ANK2: variants seen among roughly 807,000 people sequenced by gnomAD.
ANK2 encodes ankyrin 2.
In ANK2, 83 loss-of-function variants were observed where a neutral mutation model predicts 360.5. The ratio of observed to expected loss-of-function variants is 0.23; its 90% CI spans 0.19 to 0.28. ANK2 has a LOEUF of 0.28. Among genes scored for constraint, ANK2 ranks in the 10% least tolerant of loss-of-function variants. ANK2 has a pLI of 1.00. For synonymous variants in ANK2, 1,740 were observed against 1,759.5 expected (o/e 0.99, Z 0.28); for missense variants, 4,201 against 4,795.7 (o/e 0.88, Z 3.66).
intron 1 of ANK2, among the ~76,000 whole-genome samples, chr4:113,079,248 G>A (rs1005162110): frequency 3.9e-5 from 6 of 152,114 alleles, no homozygotes; most frequent in Non-Finnish European, 8.8e-5. Flanking sequence ...TGTTAGCCTC[G>A]ATTGTTTCCC....
chr4:113,158,483 C>G (rs572859734), intron 1 of ANK2, among the ~76,000 whole-genome samples: 3 of 151,972 alleles, frequency 2.0e-5, no homozygotes, highest in African/African-American at 7.2e-5. Flanking sequence ...ACTAATATAT[C>G]CTATGATTAT....
At chr4:112,805,941 G>T in the ANK2 span, among the ~76,000 whole-genome samples, 1 of 152,004 alleles carries the variant, frequency 6.6e-6, no homozygotes, top group Admixed American at 6.6e-5. Context: ...TACAAAATAG[G>T]TGTATATATT....
Position 112,864,585 on chromosome 4 carries a change from C to T in ANK2, c.-39-39870C>T, listed in dbSNP as rs527838969. Among the ~76,000 whole-genome samples the T allele has an allele frequency of 1.8e-3, 269 of 152,026 alleles. 1 individual carries two copies. Among genetic ancestry groups the T allele is most frequent in the South Asian group, 7.9e-3 (38 of 4,802 alleles). ...CCGGCCTCCCAAAGTGCTGGGATTA[C>T]AGGCGTCAGCCCCGGCGCCCGGCCG... is the stretch of plus-strand genomic sequence containing the variant. On this transcript the variant is annotated intron_variant, in intron 1 of 30. Coordinates refer to the ANK2 transcript ENST00000503271.
At chr4:112,831,689 G>C (rs2059763006) in intron 1 of ANK2, among the ~76,000 whole-genome samples, 1 of 152,168 alleles carries the variant, frequency 6.6e-6, no homozygotes, top group Non-Finnish European at 1.5e-5. Flanking sequence ...TGCTGTGGAA[G>C]CTTTGTTTTT....
rs1451441486 is a variant in ANK2 at position 113,382,837 on chromosome 4, G to C, written c.*1366G>C. ...AGATTGAGAAATCCTTGAAAATTTG[G>C]TTTTGGTTAAAATTTTTGGTTTATT... On this transcript the variant is annotated 3_prime_UTR_variant, in exon 46 of 46. Coordinates refer to ENST00000357077, the MANE Select transcript of ANK2 (RefSeq NM_001148.6). The C allele has an allele frequency of 6.6e-6, 1 of 151,986 alleles. No homozygotes were observed. The highest frequency in any genetic ancestry group is 1.5e-5 in the Non-Finnish European group (1 of 67,976). The allele number at this position is 151,986 out of a possible 1,614,324, so 9.4% of individuals were successfully genotyped here. A position where few individuals can be genotyped will look rare whatever the true frequency, so the allele number is the denominator to read the frequency against.
chr4:112,998,247 CA>C lies in ANK2; in HGVS notation c.21+93735del, dbSNP rs143566971. On this transcript the variant is annotated intron_variant, in intron 2 of 30. Coordinates refer to the ANK2 transcript ENST00000503271. ...CAAATGGACTCTTTCAAGCAGAAGTCAATTATGTCTGCCTTTTGTAGGTGCA... is the reference window on the plus strand; with the variant it reads ...CAAATGGACTCTTTCAAGCAGAAGTCATTATGTCTGCCTTTTGTAGGTGCA... Among the ~76,000 whole-genome samples the C allele has an allele frequency of 1.0e-3, 155 of 152,010 alleles. 1 individual carries two copies. The highest frequency in any genetic ancestry group is 3.4e-3 in the Middle Eastern group (1 of 294).
chr4:112,937,288 A>G (rs998298605), intron 2 of ANK2, among the ~76,000 whole-genome samples: 1 of 151,316 alleles, frequency 6.6e-6, no homozygotes, highest in Non-Finnish European at 1.5e-5. Flanking sequence ...TACTCAAGAT[A>G]TGTGAGTATA....
intron 1 of ANK2, among the ~76,000 whole-genome samples, chr4:113,052,234 T>A (rs187677285): frequency 6.6e-6 from 1 of 152,294 alleles, no homozygotes; most frequent in African/African-American, 2.4e-5. Flanking sequence ...TAAGTATCCC[T>A]AATAAGCATA....
At chr4:113,370,724 C>T (rs1025031287) in intron 43 of ANK2, among the ~76,000 whole-genome samples, 2 of 152,146 alleles carry the variant, frequency 1.3e-5, no homozygotes, top group Non-Finnish European at 2.9e-5. Flanking sequence ...CATACCACTG[C>T]ACTCCAGCCT....
At chr4:113,023,713 G>A (rs537214549) in intron 2 of ANK2, among the ~76,000 whole-genome samples, 4 of 152,206 alleles carry the variant, frequency 2.6e-5, no homozygotes, top group Non-Finnish European at 4.4e-5. Flanking sequence ...CTACACCATA[G>A]GCTGTATGAC....
chr4:113,296,704 T>C (rs1563521555), intron 22 of ANK2, among the ~76,000 whole-genome samples: 1 of 152,198 alleles, frequency 6.6e-6, no homozygotes, highest in Non-Finnish European at 1.5e-5. Context: ...CATTTTAGCA[T>C]TCTCCTGGGA....
At chr4:113,200,876 G>A (rs1486027600) in intron 4 of ANK2, among the ~76,000 whole-genome samples, 3 of 151,934 alleles carry the variant, frequency 2.0e-5, no homozygotes, top group East Asian at 1.9e-4. Context: ...ATCACACGCC[G>A]GGGCCTGTCA....
intron 1 of ANK2, among the ~76,000 whole-genome samples, chr4:112,820,541 A>G (rs1250426956): frequency 1.3e-5 from 2 of 152,258 alleles, no homozygotes; most frequent in Non-Finnish European, 2.9e-5. Context: ...TTAGCATAGT[A>G]AAATGACTGT....
intron 2 of ANK2, among the ~76,000 whole-genome samples, chr4:112,958,116 C>T (rs1165735562): frequency 1.3e-5 from 2 of 150,924 alleles, no homozygotes; most frequent in African/African-American, 4.9e-5. Flanking sequence ...CCAGACTGGG[C>T]AGCCAGGCAG....
intron 2 of ANK2, among the ~76,000 whole-genome samples, chr4:112,986,089 C>CTGATG (rs760952561): frequency 0.25 from 35,850 of 146,030 alleles, 4,647 homozygotes; most frequent in East Asian, 0.43. Context: ...TATATATAAT[C>CTGATG]CAATATATAG....
At chr4:113,320,012 A>G (rs1179666202) in intron 26 of ANK2, among the ~76,000 whole-genome samples, 13 of 152,258 alleles carry the variant, frequency 8.5e-5, no homozygotes, top group Admixed American at 8.5e-4. Context: ...AATTTACACA[A>G]GAATCTGTGC....
rs933941136 is a variant in ANK2 at position 112,914,479 on chromosome 4, C to T, written c.21+9965C>T. Among the ~76,000 whole-genome samples, 14 of 152,040 alleles carry T rather than the reference C, an allele frequency of 9.2e-5. No homozygotes were observed. In the East Asian group the frequency reaches 1.9e-3, roughly 21 times the overall value. On this transcript the variant is annotated intron_variant, in intron 2 of 30. Transcript: ENST00000503271. Reference sequence around the variant, plus strand: ...CTATTAAAAATACAAAAAAATTAGCCGGGCGTGGTGGCACAAGCCCGTAAT... The same window carrying T: ...CTATTAAAAATACAAAAAAATTAGCTGGGCGTGGTGGCACAAGCCCGTAAT...
the ANK2 span, among the ~76,000 whole-genome samples, chr4:112,742,234 TC>T: frequency 3.9e-5 from 6 of 152,188 alleles, no homozygotes; most frequent in East Asian, 9.7e-4. Context: ...ACTACTGCAC[TC>T]CAGCCTGGGC....
At chr4:113,323,671 G>A (rs1211418683) in intron 26 of ANK2, 6 of 1,288,150 alleles carry the variant, frequency 4.7e-6, no homozygotes, top group South Asian at 2.9e-5. Context: ...AGGTATTGGT[G>A]TATAAATAAT....
Sources: gnomAD v4.1 joint callset for allele counts (sites outside exome capture counted in the v4.1 genomes callset) on GRCh38, gnomAD v4.1.1 for gene constraint, MANE v1.5 for transcripts, NCBI Gene and HGNC (gene_info 2026-07-23, HGNC 2026-07-21) for gene names.